Variants in ADGRL2 observed in about 807,000 individuals in gnomAD.
The protein encoded by ADGRL2 is adhesion G protein-coupled receptor L2.
A neutral mutation model predicts 157.4 loss-of-function variants in ADGRL2; 44 were observed. The ratio of observed to expected loss-of-function variants is 0.28; its 90% CI spans 0.22 to 0.36. ADGRL2 has a LOEUF of 0.36. ADGRL2 is among the 10% of genes least tolerant of loss of function. ADGRL2 has a pLI of 1.00. For synonymous variants in ADGRL2, 585 were observed against 624.7 expected, an observed-to-expected ratio of 0.94 and a Z score of 0.95; for missense variants, 1,510 against 1,768.9, an observed-to-expected ratio of 0.85 and a Z score of 2.63.
intron 2 of ADGRL2, among the ~76,000 whole-genome samples, chr1:81,525,548 C>T (rs1386901837): frequency 1.3e-5 from 2 of 152,136 alleles, no homozygotes; most frequent in African/African-American, 4.8e-5. Context: ...GAACTCCTGA[C>T]CTCAAGTGAT....
chr1:81,424,572 T>C (rs1402212672), intron 1 of ADGRL2, among the ~76,000 whole-genome samples: 1 of 152,234 alleles, frequency 6.6e-6, no homozygotes, highest in Non-Finnish European at 1.5e-5. Flanking sequence ...GCCTCTATCA[T>C]TGTGGGCAGT....
intron 3 of ADGRL2, among the ~76,000 whole-genome samples, chr1:81,685,148 A>T (rs1179502913): frequency 6.6e-6 from 1 of 151,960 alleles, no homozygotes; most frequent in Non-Finnish European, 1.5e-5. Context: ...GAATTTTAGA[A>T]TTGTTTTTTC....
In ADGRL2 at chr1:81,979,886, G is replaced by A; in HGVS notation, c.3039G>A (p.Leu1013=). ...TACAACAGCTAAATATTATCTTCTT[G>A]GTGATCACATTGTGCAAAATGGTGA... ...TFIILLNIIF[L]VITLCKMVKH... The change falls in exon 18 of 24, where the codon TTG becomes TTA. Residue 1013 remains leucine (L), a synonymous_variant. Coordinates refer to ENST00000686636, the MANE Select transcript of ADGRL2 (RefSeq NM_001366006.2). 6.2e-6 allele frequency: 10 copies of A among 1,600,068 alleles called. No individual in the cohort carries two copies. The highest frequency in any genetic ancestry group is 8.6e-6 in the Non-Finnish European group (10 of 1,168,838).
chr1:81,520,350 A>G (rs181728352), intron 2 of ADGRL2, among the ~76,000 whole-genome samples: 1 of 152,266 alleles, frequency 6.6e-6, no homozygotes, highest in Admixed American at 6.5e-5. Context: ...TGAGTGACAT[A>G]AAAACACCAT....
At chr1:81,868,548 A>G (rs1034999452) in intron 2 of ADGRL2, among the ~76,000 whole-genome samples, 5 of 151,968 alleles carry the variant, frequency 3.3e-5, no homozygotes, top group Non-Finnish European at 7.4e-5. Flanking sequence ...TAGTTCCTTT[A>G]AACGTTTCAG....
intron 2 of ADGRL2, among the ~76,000 whole-genome samples, chr1:81,508,824 C>T (rs930944452): frequency 6.6e-6 from 1 of 152,108 alleles, no homozygotes; most frequent in African/African-American, 2.4e-5. Flanking sequence ...CCTGACATAA[C>T]CTTTAGAGGG....
rs184213363 is a variant in ADGRL2, at chr1:81,577,901, T to A, written c.-247-2975T>A. ...TTCTTCTGAATAAATCTGAATTTTT[T>A]AAAAATCAGTAAGAAAAGGTGCAAA... is the stretch of plus-strand genomic sequence containing the variant. On this transcript the variant is annotated intron_variant, in intron 2 of 24. Coordinates refer to the ADGRL2 transcript ENST00000370721. Among the ~76,000 whole-genome samples, 942 of 152,292 alleles carry A rather than the reference T, an allele frequency of 6.2e-3. 12 individuals are homozygous for A. Among genetic ancestry groups the A allele is most frequent in the African/African-American group, 0.022 (906 of 41,570 alleles).
chr1:81,808,989 A>T (rs1273885310), intron 1 of ADGRL2, among the ~76,000 whole-genome samples: 2 of 152,002 alleles, frequency 1.3e-5, no homozygotes. Flanking sequence ...TTTAAATCAG[A>T]TTTCTGCCTG....
At chr1:81,819,428 G>T (rs1328104393) in intron 1 of ADGRL2, among the ~76,000 whole-genome samples, 1 of 152,116 alleles carries the variant, frequency 6.6e-6, no homozygotes, top group African/African-American at 2.4e-5. Context: ...AGTACCAGCT[G>T]CTGAGAAGGT....
intron 2 of ADGRL2, among the ~76,000 whole-genome samples, chr1:81,574,750 T>C (rs923351036): frequency 2.4e-4 from 36 of 152,262 alleles, no homozygotes; most frequent in African/African-American, 8.2e-4. Flanking sequence ...GTACCTTGAA[T>C]AGTAACAGCT....
chr1:81,564,770 AGCT>A (rs968836936), intron 2 of ADGRL2, among the ~76,000 whole-genome samples: 1 of 152,168 alleles, frequency 6.6e-6, no homozygotes, highest in African/African-American at 2.4e-5. Context: ...CCACCTGAGA[AGCT>A]GCCCACCACA....
intron 2 of ADGRL2, among the ~76,000 whole-genome samples, chr1:81,775,120 G>T (rs987380377): frequency 1.3e-5 from 2 of 152,000 alleles, no homozygotes; most frequent in Admixed American, 1.3e-4. Context: ...AGTTCACCTT[G>T]GAAAAGGAGG....
chr1:81,786,130 G>T (rs757395767), intron 2 of ADGRL2, among the ~76,000 whole-genome samples: 16 of 151,718 alleles, frequency 1.1e-4, no homozygotes, highest in Non-Finnish European at 1.0e-4. Context: ...ATTAAATAAA[G>T]AGTTATATTC....
At chr1:81,941,128 C>T (rs565108623) in intron 4 of ADGRL2, among the ~76,000 whole-genome samples, 3 of 151,082 alleles carry the variant, frequency 2.0e-5, no homozygotes, top group African/African-American at 7.3e-5. Flanking sequence ...ATTCTTTCTT[C>T]CTTTTTCTCC....
chr1:81,598,299 T>C lies in ADGRL2; in HGVS notation c.-143+17319T>C, dbSNP rs180687130. On this transcript the variant is annotated intron_variant, in intron 3 of 24. Transcript: ENST00000370721. ...GAAGGGACTTAGGCTTTTGGCTGTT[T>C]GGGTAGATTCCTGGATAGAGTAAAA... is the stretch of plus-strand genomic sequence containing the variant. Among the ~76,000 whole-genome samples, 74 of 152,322 alleles carry C rather than the reference T, an allele frequency of 4.9e-4. 1 individual carries two copies. The highest frequency in any genetic ancestry group is 1.7e-3 in the African/African-American group (70 of 41,576).
chr1:81,512,835 A>T (rs917174199), intron 2 of ADGRL2, among the ~76,000 whole-genome samples: 4 of 152,160 alleles, frequency 2.6e-5, no homozygotes, highest in Admixed American at 2.6e-4. Flanking sequence ...AGGACAAATT[A>T]GCATTCATGA....
At chr1:81,844,032 T>G (rs908376211) in intron 2 of ADGRL2, among the ~76,000 whole-genome samples, 9 of 152,182 alleles carry the variant, frequency 5.9e-5, no homozygotes, top group South Asian at 2.1e-4. Context: ...CCAGCAGACC[T>G]CAAAAACATT....
At chr1:81,422,008 A>T (rs1170958437) in intron 1 of ADGRL2, among the ~76,000 whole-genome samples, 1 of 152,166 alleles carries the variant, frequency 6.6e-6, no homozygotes, top group African/African-American at 2.4e-5. Flanking sequence ...TTACAGACTT[A>T]TTTTATTCAA....
intron 1 of ADGRL2, among the ~76,000 whole-genome samples, chr1:81,829,220 A>T (rs2091756918): frequency 6.6e-6 from 1 of 152,164 alleles, no homozygotes. Context: ...TTCTTAGAGG[A>T]ATCAGCTACA....
Sources: gnomAD v4.1 joint callset for allele counts (sites outside exome capture counted in the v4.1 genomes callset) on GRCh38, gnomAD v4.1.1 for gene constraint, MANE v1.5 for transcripts, NCBI Gene and HGNC (gene_info 2026-07-23, HGNC 2026-07-21) for gene names.